The following TSEN15 variants were observed in gnomAD, a reference collection of about 807,000 sequenced individuals.
TSEN15 encodes tRNA-splicing endonuclease subunit Sen15.
TSEN15 carries 10 observed loss-of-function variants against 20.5 expected under a neutral mutation model. The observed-to-expected ratio is 0.49, with a 90% CI of 0.30 to 0.83. The LOEUF is 0.83. Ranked by LOEUF, TSEN15 falls within the 40% of genes least tolerant of loss-of-function variation. The probability of loss-of-function intolerance (pLI) is 0.06; values close to 1 mark genes in which losing one functional copy is unlikely to be tolerated. For missense variants in TSEN15, 180 were observed against 218.6 expected (o/e 0.82, Z 1.11); for synonymous variants, 72 against 80.1 (o/e 0.90, Z 0.54).
At chr1:184,058,883 C>T (rs1650342760) in intron 3 of TSEN15, among the ~76,000 whole-genome samples, 2 of 151,952 alleles carry the variant, frequency 1.3e-5, no homozygotes. Flanking sequence ...GATAATATTG[C>T]TTGGGCTTTT....
downstream of TSEN15, among the ~76,000 whole-genome samples, chr1:184,078,728 C>T (rs1373131385): frequency 6.6e-6 from 1 of 152,166 alleles, no homozygotes; most frequent in Non-Finnish European, 1.5e-5. Flanking sequence ...TTCAAATTTA[C>T]AATTAGAATA....
Position 184,073,352 on chromosome 1 carries a change from C to G in TSEN15, c.*505C>G, listed in dbSNP as rs1435551364. On this transcript the variant is annotated 3_prime_UTR_variant, in exon 5 of 5. Transcript: ENST00000645668. The stretch of plus-strand genomic sequence containing the variant: ...AAGTAAAAGATTTCTTTCAATTGGT[C>G]TTCCCATTGCAGTTACTGTTATTTC... The G allele has an allele frequency of 6.6e-6, 1 of 152,538 alleles. No homozygotes were observed. Among genetic ancestry groups the G allele is most frequent in the African/African-American group, 2.4e-5 (1 of 41,452 alleles). 9.4% of individuals were successfully genotyped at this position (152,538 alleles called of 1,614,324 possible).
chr1:184,073,661 A>G lies in TSEN15; in HGVS notation c.*814A>G, dbSNP rs944106091. 7.9e-5 allele frequency: 12 copies of G among 152,620 alleles called. No homozygotes were observed. The highest frequency in any genetic ancestry group is 2.9e-4 in the African/African-American group (12 of 41,440). The allele number at this position is 152,620 out of a possible 1,614,324, so 9.5% of individuals were successfully genotyped here. Reference sequence around the variant, plus strand: ...AAATTATATGCACAAAGATGTTCCAAGTGACATTACTTTTAGTAGCCCAAA... The same window carrying G: ...AAATTATATGCACAAAGATGTTCCAGGTGACATTACTTTTAGTAGCCCAAA... On this transcript the variant is annotated 3_prime_UTR_variant, in exon 5 of 5. Transcript: ENST00000645668.
At chr1:184,090,941 AGG>A (rs1557891733) in intron 3 of TSEN15, among the ~76,000 whole-genome samples, 3 of 152,126 alleles carry the variant, frequency 2.0e-5, no homozygotes, top group Non-Finnish European at 2.9e-5. Context: ...CATATTGGAG[AGG>A]GAGGGCTGAG....
chr1:184,082,116 T>C (rs1651181922), intron 3 of TSEN15, among the ~76,000 whole-genome samples: 2 of 152,114 alleles, frequency 1.3e-5, no homozygotes. Context: ...TTATGTGGGA[T>C]AGTGAACATG....
chr1:184,057,108 G>A (rs1449353013), intron 3 of TSEN15, among the ~76,000 whole-genome samples: 1 of 152,142 alleles, frequency 6.6e-6, no homozygotes, highest in Non-Finnish European at 1.5e-5. Flanking sequence ...ACAAAAGACT[G>A]TGGCTTCTAT....
intron 3 of TSEN15, among the ~76,000 whole-genome samples, chr1:184,061,219 C>T (rs1442461959): frequency 6.6e-6 from 1 of 152,230 alleles, no homozygotes; most frequent in African/African-American, 2.4e-5. Flanking sequence ...TTGTTAGAAA[C>T]AAATTACTTG....
At chr1:184,085,995 A>G (rs1651255320) in intron 3 of TSEN15, among the ~76,000 whole-genome samples, 1 of 152,214 alleles carries the variant, frequency 6.6e-6, no homozygotes, top group Admixed American at 6.5e-5. Context: ...ATTCTTATCT[A>G]TACAAAATGT....
At chr1:184,095,479 A>T (rs937974455) in intron 3 of TSEN15, 3 of 387,976 alleles carry the variant, frequency 7.7e-6, no homozygotes, top group Non-Finnish European at 1.4e-5. Context: ...CTGAAGCTCT[A>T]ATCTCCAGTG....
chr1:184,082,952 CA>C (rs1315676029), intron 3 of TSEN15, among the ~76,000 whole-genome samples: 1 of 152,198 alleles, frequency 6.6e-6, no homozygotes, highest in African/African-American at 2.4e-5. Flanking sequence ...GTTAATATAT[CA>C]AAAATTATCC....
At chr1:184,078,137 A>G (rs186161137), downstream of TSEN15, among the ~76,000 whole-genome samples, 297 of 152,232 alleles carry the variant, frequency 2.0e-3, 3 homozygotes, top group African/African-American at 7.0e-3. Context: ...AGCCACCGCA[A>G]CCTTCAGCAA....
chr1:184,076,744 T>C (rs1463353546), downstream of TSEN15, among the ~76,000 whole-genome samples: 2 of 152,136 alleles, frequency 1.3e-5, no homozygotes, highest in African/African-American at 2.4e-5. Flanking sequence ...ATTGTTGATA[T>C]GGAGAAAGTT....
At chr1:184,072,136 A>T (rs1319855479) in intron 3 of TSEN15, 21 bp from the exon 4 acceptor site, 1 of 1,612,088 alleles carries the variant, frequency 6.2e-7, no homozygotes, top group East Asian at 2.2e-5. Context: ...ACTCCTAAGT[A>T]TATTGTGACT....
intron 3 of TSEN15, among the ~76,000 whole-genome samples, chr1:184,080,194 A>C (rs1366402111): frequency 6.6e-6 from 1 of 152,208 alleles, no homozygotes; most frequent in Non-Finnish European, 1.5e-5. Context: ...ATATAAATGC[A>C]AAGTTATAAT....
chr1:184,088,811 T>A (rs1454511226), intron 3 of TSEN15, among the ~76,000 whole-genome samples: 1 of 152,220 alleles, frequency 6.6e-6, no homozygotes, highest in Non-Finnish European at 1.5e-5. Context: ...TGTTGACTAA[T>A]CCTATTTCTG....
chr1:184,055,856 A>G (rs950493105), intron 3 of TSEN15, among the ~76,000 whole-genome samples: 2 of 152,154 alleles, frequency 1.3e-5, no homozygotes, highest in African/African-American at 2.4e-5. Flanking sequence ...TAGATTCTTG[A>G]TAATAACTAA....
intron 3 of TSEN15, among the ~76,000 whole-genome samples, chr1:184,064,012 C>A (rs190369737): frequency 1.4e-4 from 22 of 152,100 alleles, no homozygotes; most frequent in Admixed American, 1.2e-3. Context: ...ACAAATTATT[C>A]CAGTATTTTC....
chr1:184,065,951 T>C (rs1650639530), intron 3 of TSEN15, among the ~76,000 whole-genome samples: 1 of 152,204 alleles, frequency 6.6e-6, no homozygotes, highest in Admixed American at 6.5e-5. Flanking sequence ...ATGGCTTATA[T>C]TTTCATTATC....
At chr1:184,084,374 C>T (rs375067850) in intron 3 of TSEN15, among the ~76,000 whole-genome samples, 72 of 151,804 alleles carry the variant, frequency 4.7e-4, no homozygotes, top group Middle Eastern at 3.4e-3. Flanking sequence ...GTTTGATATT[C>T]TGTTATTCTA....
Sources: gnomAD v4.1 joint callset for allele counts (sites outside exome capture counted in the v4.1 genomes callset) on GRCh38, gnomAD v4.1.1 for gene constraint, MANE v1.5 for transcripts, NCBI Gene and HGNC (gene_info 2026-07-23, HGNC 2026-07-21) for gene names.